SMG6: variants seen among roughly 807,000 people sequenced by gnomAD.
SMG6 encodes the protein SMG6 nonsense mediated mRNA decay factor.
SMG6 carries 66 observed loss-of-function variants against 142.2 expected under a neutral mutation model. That is an observed-to-expected ratio of 0.46 (90% CI 0.38 to 0.57). The LOEUF (loss-of-function observed/expected upper bound fraction) is 0.57. Among genes scored for constraint, SMG6 ranks in the 20% least tolerant of loss-of-function variants. The pLI, the probability that SMG6 is intolerant of heterozygous loss-of-function variation, is 0.00. For missense variants in SMG6, 1,793 were observed against 1,832.0 expected (o/e 0.98, Z 0.39); for synonymous variants, 779 against 702.4 (o/e 1.11, Z -1.72).
At chr17:2,171,626 C>T (rs73979418) in intron 13 of SMG6, among the ~76,000 whole-genome samples, 2,835 of 152,018 alleles carry the variant, frequency 0.019, 73 homozygotes, top group African/African-American at 0.063. Flanking sequence ...CGCCCGTCTC[C>T]GCTTCTCAAA....
intron 14 of SMG6, among the ~76,000 whole-genome samples, chr17:2,083,830 T>C (rs533073198): frequency 1.3e-5 from 2 of 152,282 alleles, no homozygotes; most frequent in East Asian, 3.9e-4. Flanking sequence ...TTGGCTCAGC[T>C]CTCACAGTAA....
In SMG6 at chr17:2,061,425, G is replaced by A; in HGVS notation, c.*67C>T. The A allele has an allele frequency of 6.7e-7, 1 of 1,487,314 alleles. No individual in the cohort carries two copies. The highest frequency in any genetic ancestry group is 2.3e-4 in the Middle Eastern group (1 of 4,330). 92.1% of individuals were successfully genotyped at this position (1,487,314 alleles called of 1,614,324 possible). ...GCTCAGGCACGTGGGCATCTTCCGTGCTACACTGGGCGCCTGGTGGCCTTT... is the reference window on the plus strand; with the variant it reads ...GCTCAGGCACGTGGGCATCTTCCGTACTACACTGGGCGCCTGGTGGCCTTT... On this transcript the variant is annotated 3_prime_UTR_variant, in exon 19 of 19. Coordinates refer to ENST00000263073, the MANE Select transcript of SMG6 (RefSeq NM_017575.5).
intron 10 of SMG6, among the ~76,000 whole-genome samples, chr17:2,195,558 G>A (rs1180898600): frequency 6.6e-6 from 1 of 152,146 alleles, no homozygotes; most frequent in Non-Finnish European, 1.5e-5. Flanking sequence ...CCATAGAGAG[G>A]TTCAAGAAAC....
Position 2,149,170 on chromosome 17 carries a change from C to T in SMG6, c.3357+23488G>A, listed in dbSNP as rs370096525. 9.9e-4 allele frequency among the ~76,000 whole-genome samples: 150 copies of T among 151,564 alleles called. 1 individual carries two copies. The South Asian group carries it at 0.021, about 21-fold the overall frequency. On this transcript the variant is annotated intron_variant, in intron 13 of 18. Coordinates refer to ENST00000263073, the MANE Select transcript of SMG6 (RefSeq NM_017575.5). ...TTCGAGACCAGCCTGGCCAACATGG[C>T]GAAACCCTGTCTCTACAAAAAATAC...
At chr17:2,109,158 T>C (rs1200093055) in intron 13 of SMG6, among the ~76,000 whole-genome samples, 2 of 152,204 alleles carry the variant, frequency 1.3e-5, no homozygotes, top group Admixed American at 6.5e-5. Context: ...CAAAATAGCA[T>C]TAGAGTTGAC....
rs1269290225 is a variant in SMG6 at position 2,300,592 on chromosome 17, G to C, written c.161C>G (p.Pro54Arg). 26 of 1,613,382 alleles carry C rather than the reference G, an allele frequency of 1.6e-5. No individual in the cohort carries two copies. The highest frequency in any genetic ancestry group is 2.2e-5 in the Non-Finnish European group (26 of 1,179,778). Residue 54 changes from proline (P) to arginine (R), a missense_variant, in exon 2 of 19, where the codon CCT becomes CGT. Physicochemically the swap from Pro to Arg is moderately radical, Grantham distance 103 (BLOSUM62 -2). Around this residue, in one of 3 missense-constraint regions of SMG6, gnomAD observed 1,597 missense variants for 1,584.6 expected, o/e 1.01. Coordinates refer to ENST00000263073, the MANE Select transcript of SMG6 (RefSeq NM_017575.5). ...CTTGTTCCTTAGCCGAGAAAGGCCA[G>C]GCTTATAGATTTCCAGATCTGGACG... The part of the protein sequence containing the change: ...NRRPDLEIYK[P>R]GLSRLRNKPK...
chr17:2,176,620 C>T (rs1204830236), intron 12 of SMG6, among the ~76,000 whole-genome samples: 2 of 152,134 alleles, frequency 1.3e-5, no homozygotes, highest in African/African-American at 4.8e-5. Flanking sequence ...GTCCAATGAG[C>T]CTGCTTATGG....
At chr17:2,125,168 A>G (rs2069831506) in intron 13 of SMG6, among the ~76,000 whole-genome samples, 1 of 152,184 alleles carries the variant, frequency 6.6e-6, no homozygotes, top group Admixed American at 6.5e-5. Flanking sequence ...AGAAAAACAG[A>G]CATTTCCAAA....
chr17:2,292,485 T>C (rs1480366926), intron 6 of SMG6, 67 bp downstream of exon 6: 6 of 1,462,884 alleles, frequency 4.1e-6, no homozygotes, highest in Non-Finnish European at 5.7e-6. Context: ...GGAACTGATA[T>C]TATCAAACTC....
chr17:2,164,240 T>C (rs2071265114), intron 13 of SMG6, among the ~76,000 whole-genome samples: 2 of 149,134 alleles, frequency 1.3e-5, no homozygotes, highest in African/African-American at 4.9e-5. Context: ...TTGGCCAACA[T>C]GGTGAAACCC....
At chr17:2,221,096 G>A (rs552717983) in intron 10 of SMG6, among the ~76,000 whole-genome samples, 2 of 152,130 alleles carry the variant, frequency 1.3e-5, no homozygotes, top group Admixed American at 6.6e-5. Context: ...CTGAACTTAC[G>A]CTGTTCTATA....
At chr17:2,203,996 C>T (rs901538354) in intron 10 of SMG6, among the ~76,000 whole-genome samples, 1 of 152,082 alleles carries the variant, frequency 6.6e-6, no homozygotes, top group African/African-American at 2.4e-5. Flanking sequence ...TGGGGTCTTG[C>T]TCTGTTGCCC....
At chr17:2,132,693 C>G (rs2070162104) in intron 13 of SMG6, among the ~76,000 whole-genome samples, 1 of 152,166 alleles carries the variant, frequency 6.6e-6, no homozygotes, top group African/African-American at 2.4e-5. Context: ...TTCTAAAAAC[C>G]TAAAGCATGT....
At chr17:2,088,608 A>G in intron 13 of SMG6, 1 of 985,386 alleles carries the variant, frequency 1.0e-6, no homozygotes, top group Non-Finnish European at 1.2e-6. Context: ...CTGTTTGGAG[A>G]GAGAAAGGTT....
intron 15 of SMG6, among the ~76,000 whole-genome samples, chr17:2,073,881 C>A (rs1489029678): frequency 6.6e-6 from 1 of 151,648 alleles, no homozygotes; most frequent in East Asian, 2.0e-4. Context: ...GAGTTTGAGA[C>A]CAGCATGGAC....
At chr17:2,282,957 G>C in intron 7 of SMG6, 98 bp from the exon 8 acceptor site, 1 of 1,232,264 alleles carries the variant, frequency 8.1e-7, no homozygotes, top group Non-Finnish European at 1.2e-6. Context: ...GATCACTTGA[G>C]GTCAGGAGTT....
chr17:2,191,074 G>A (rs2047100), intron 10 of SMG6, among the ~76,000 whole-genome samples: 2,611 of 152,276 alleles, frequency 0.017, 78 homozygotes, highest in African/African-American at 0.06. Flanking sequence ...TACTAGGTAT[G>A]ATGGAGCACA....
intron 13 of SMG6, chr17:2,087,722 G>A: frequency 2.0e-6 from 2 of 986,992 alleles, no homozygotes; most frequent in East Asian, 1.1e-4. Context: ...TACAGAAGCA[G>A]GGGCTAAAAG....
intron 12 of SMG6, among the ~76,000 whole-genome samples, chr17:2,184,635 CA>C (rs1471008997): frequency 9.5e-6 from 1 of 104,984 alleles, no homozygotes; most frequent in African/African-American, 4.0e-5. Flanking sequence ...CCAGCCCAGG[CA>C]ACAAGAGCAA....
Sources: gnomAD v4.1 joint callset for allele counts (sites outside exome capture counted in the v4.1 genomes callset) on GRCh38, gnomAD v4.1.1 for gene constraint, gnomAD v4.1.1 regional missense constraint, MANE v1.5 for transcripts, NCBI Gene and HGNC (gene_info 2026-07-23, HGNC 2026-07-21) for gene names.